The following DLG2 variants were observed in gnomAD, a reference collection of about 807,000 sequenced individuals.
DLG2 encodes discs large MAGUK scaffold protein 2, also known as disks large homolog 2.
Under a neutral mutation model 132.5 loss-of-function variants are expected in DLG2, and 45 were observed. The ratio of observed to expected loss-of-function variants is 0.34; its 90% CI spans 0.27 to 0.44. DLG2 has a LOEUF of 0.44. Among genes scored for constraint, DLG2 ranks in the 20% least tolerant of loss-of-function variants. The pLI, the probability that DLG2 is intolerant of heterozygous loss-of-function variation, is 1.00. For synonymous variants in DLG2, 424 were observed against 419.6 expected, an observed-to-expected ratio of 1.01 and a Z score of -0.13; for missense variants, 1,045 against 1,196.9, an observed-to-expected ratio of 0.87 and a Z score of 1.87.
chr11:85,481,109 T>A (rs900447621), intron 3 of DLG2, among the ~76,000 whole-genome samples: 1 of 152,288 alleles, frequency 6.6e-6, no homozygotes, highest in African/African-American at 2.4e-5. Flanking sequence ...TTTCTTCATA[T>A]GTAAAATCAT....
intron 4 of DLG2, among the ~76,000 whole-genome samples, chr11:85,168,336 A>C (rs528249924): frequency 2.0e-5 from 3 of 152,284 alleles, no homozygotes; most frequent in East Asian, 3.9e-4. Context: ...TTAAATGCTC[A>C]ATATGCCAGT....
At chr11:83,623,023 T>G (rs2061873798) in intron 19 of DLG2, among the ~76,000 whole-genome samples, 1 of 152,194 alleles carries the variant, frequency 6.6e-6, no homozygotes, top group Non-Finnish European at 1.5e-5. Context: ...AATGGGGTGT[T>G]GAAGTCTCCA....
intron 6 of DLG2, among the ~76,000 whole-genome samples, chr11:84,585,387 C>T (rs1473449720): frequency 1.3e-5 from 2 of 152,132 alleles, no homozygotes; most frequent in Admixed American, 1.3e-4. Flanking sequence ...CTTATCTAAT[C>T]CTGAAACCAC....
At chr11:85,627,908 G>C (rs984769563), upstream of DLG2, 1 of 152,402 alleles carries the variant, frequency 6.6e-6, no homozygotes. Flanking sequence ...CGGTCTGGGA[G>C]ATACTGCTGG....
chr11:83,518,939 T>C (rs2095391077), intron 21 of DLG2, among the ~76,000 whole-genome samples: 1 of 152,178 alleles, frequency 6.6e-6, no homozygotes, highest in African/African-American at 2.4e-5. Context: ...GGCTGCTCCA[T>C]ACAGCTATCT....
At chr11:83,711,153 A>G (rs1261950797) in intron 18 of DLG2, among the ~76,000 whole-genome samples, 1 of 152,198 alleles carries the variant, frequency 6.6e-6, no homozygotes, top group East Asian at 1.9e-4. Context: ...TCAGATACAC[A>G]TTCCTTCTTG....
chr11:85,472,837 AC>A lies in DLG2; in HGVS notation c.40+125819del, dbSNP rs2093028167. Among the ~76,000 whole-genome samples the A allele has an allele frequency of 2.0e-5, 3 of 152,338 alleles. No individual in the cohort carries two copies. In the South Asian group the frequency reaches 6.2e-4, roughly 32 times the overall value. On this transcript the variant is annotated intron_variant, in intron 3 of 27. Transcript: ENST00000376104. Reference sequence around the variant, plus strand: ...CCACAGCCCAGAATCGGGCGAAGGGACTGAATGAGCTGTAACACAAACTAAC... The same window carrying A: ...CCACAGCCCAGAATCGGGCGAAGGGATGAATGAGCTGTAACACAAACTAAC...
intron 8 of DLG2, among the ~76,000 whole-genome samples, chr11:84,220,692 T>C (rs1460394412): frequency 6.6e-6 from 1 of 151,926 alleles, no homozygotes; most frequent in East Asian, 1.9e-4. Flanking sequence ...CAAATGAGTT[T>C]AGGGGATTAA....
chr11:85,284,562 C>G (rs1404338223), intron 4 of DLG2, among the ~76,000 whole-genome samples: 2 of 151,784 alleles, frequency 1.3e-5, no homozygotes, highest in East Asian at 3.9e-4. Flanking sequence ...TCCCTGTTAG[C>G]CCTTAGGTAT....
chr11:84,886,727 G>A (rs890896214), intron 6 of DLG2, among the ~76,000 whole-genome samples: 1 of 152,126 alleles, frequency 6.6e-6, no homozygotes, highest in Non-Finnish European at 1.5e-5. Context: ...AGAAAACACA[G>A]TGATCAGGTG....
chr11:85,408,333 AT>A (rs1404859000), intron 3 of DLG2, among the ~76,000 whole-genome samples: 1 of 151,016 alleles, frequency 6.6e-6, no homozygotes, highest in Non-Finnish European at 1.5e-5. Flanking sequence ...CAGAACTGAC[AT>A]TTGGGTGGGC....
intron 11 of DLG2, among the ~76,000 whole-genome samples, chr11:83,997,663 G>A (rs1251452431): frequency 1.4e-4 from 19 of 133,732 alleles, no homozygotes; most frequent in African/African-American, 3.8e-4. Flanking sequence ...CCCAGGAGGC[G>A]GAGATTGCAG....
At chr11:84,273,426 G>T in intron 7 of DLG2, 1 of 1,089,554 alleles carries the variant, frequency 9.2e-7, no homozygotes, top group Non-Finnish European at 1.2e-6. Context: ...ATTTCTTTTG[G>T]GGGATAACTG....
intron 7 of DLG2, among the ~76,000 whole-genome samples, chr11:84,364,099 G>A (rs2098667418): frequency 6.6e-6 from 1 of 151,988 alleles, no homozygotes; most frequent in African/African-American, 2.4e-5. Flanking sequence ...ATTACCTTGG[G>A]CAGTATGGCA....
chr11:85,305,831 C>G (rs531490920), intron 3 of DLG2, among the ~76,000 whole-genome samples: 2 of 152,270 alleles, frequency 1.3e-5, no homozygotes, highest in South Asian at 4.1e-4. Flanking sequence ...TTCTTTTATA[C>G]TGTGAAAGGA....
At chr11:84,959,598 G>C (rs552250338) in intron 6 of DLG2, among the ~76,000 whole-genome samples, 4 of 152,176 alleles carry the variant, frequency 2.6e-5, no homozygotes. Flanking sequence ...TACCATGTTA[G>C]TTTCTTAAAA....
chr11:85,002,826 A>T (rs2058332044), intron 6 of DLG2, among the ~76,000 whole-genome samples: 1 of 151,732 alleles, frequency 6.6e-6, no homozygotes, highest in African/African-American at 2.4e-5. Context: ...AGCAAGACCG[A>T]CCTTCCTTTT....
At chr11:84,147,967 A>AT (rs1049811013) in intron 9 of DLG2, among the ~76,000 whole-genome samples, 3 of 151,392 alleles carry the variant, frequency 2.0e-5, no homozygotes, top group Admixed American at 1.3e-4. Flanking sequence ...TTTTATTTTT[A>AT]TTTTTTTTAC....
At position 85,364,415 on chromosome 11, in the gene DLG2, G is replaced by T. The variant is rs78484165; in HGVS notation, c.41-79050C>A. On this transcript the variant is annotated intron_variant, in intron 3 of 27. Transcript: ENST00000376104. ...CAGCCCTTAACTAATAATTGACAGG[G>T]ATTAGTATATAATAAATACCCTAGC... Among the ~76,000 whole-genome samples, 705 of 152,268 alleles carry T rather than the reference G, an allele frequency of 4.6e-3. 27 individuals are homozygous for T. The highest frequency in any genetic ancestry group is 0.036 in the Admixed American group (556 of 15,286).
Sources: allele counts gnomAD v4.1 joint callset (sites outside exome capture counted in the v4.1 genomes callset), GRCh38; gene constraint gnomAD v4.1.1; transcripts MANE v1.5; gene names NCBI Gene and HGNC (gene_info 2026-07-23, HGNC 2026-07-21).